PCDH11X: variants seen among roughly 807,000 people sequenced by gnomAD.
PCDH11X encodes protocadherin-11 X-linked.
In PCDH11X, 18 loss-of-function variants were observed where a neutral mutation model predicts 53.3. The ratio of observed to expected loss-of-function variants is 0.34; its 90% CI spans 0.23 to 0.50. The LOEUF (loss-of-function observed/expected upper bound fraction) is 0.50, where lower values mean the gene tolerates loss of function less well. PCDH11X is among the 20% of genes least tolerant of loss of function. PCDH11X has a pLI of 0.98. For synonymous variants in PCDH11X, 279 were observed against 393.3 expected (o/e 0.71, Z 3.44); for missense variants, 570 against 1,032.4 (o/e 0.55, Z 6.14).
intron 8 of PCDH11X, among the ~76,000 whole-genome samples, chrX:92,324,122 G>A (rs1431057663): frequency 1.9e-5 from 2 of 104,656 alleles, no homozygotes; most frequent in African/African-American, 7.0e-5. Context: ...GCTTATAAAT[G>A]GTGGAGGCAT....
intron 6 of PCDH11X, among the ~76,000 whole-genome samples, chrX:92,126,161 T>C (rs1263560152): frequency 9.0e-6 from 1 of 110,680 alleles, no homozygotes; most frequent in Non-Finnish European, 1.9e-5. Flanking sequence ...AATAAGATTA[T>C]AAACTGCGTT....
chrX:91,806,561 G>A (rs1342969179), intron 1 of PCDH11X, among the ~76,000 whole-genome samples: 2 of 112,722 alleles, frequency 1.8e-5, no homozygotes, highest in Non-Finnish European at 3.8e-5. Flanking sequence ...AGACACCCTG[G>A]TTATGGGAAT....
intron 10 of PCDH11X, among the ~76,000 whole-genome samples, chrX:92,531,856 G>T (rs750391425): frequency 9.0e-6 from 1 of 111,543 alleles, no homozygotes; most frequent in Non-Finnish European, 1.9e-5. Flanking sequence ...AATCTCACTA[G>T]TGTGGATAAT....
intron 6 of PCDH11X, among the ~76,000 whole-genome samples, chrX:91,954,922 T>C (rs1174741697): frequency 9.2e-6 from 1 of 108,534 alleles, no homozygotes; most frequent in African/African-American, 3.5e-5. Context: ...TCTCTGTTGA[T>C]AGTTTCTTTT....
intron 5 of PCDH11X, among the ~76,000 whole-genome samples, chrX:91,869,402 A>T (rs1457093927): frequency 9.0e-6 from 1 of 111,310 alleles, no homozygotes; most frequent in Non-Finnish European, 1.9e-5. Context: ...CTTGGCTTTC[A>T]AATCGGGTTC....
intron 5 of PCDH11X, among the ~76,000 whole-genome samples, chrX:91,839,896 A>G (rs975834944): frequency 4.1e-4 from 46 of 111,804 alleles, no homozygotes; most frequent in Non-Finnish European, 7.5e-4. Flanking sequence ...CTAATTCCCT[A>G]TATACATATA....
At chrX:92,289,799 G>T (rs2905653) in intron 8 of PCDH11X, among the ~76,000 whole-genome samples, 11,494 of 108,536 alleles carry the variant, frequency 0.11, 1,171 homozygotes, top group East Asian at 0.37. Context: ...ATTTACTTTT[G>T]TTCTTTTAAA....
intron 7 of PCDH11X, among the ~76,000 whole-genome samples, chrX:92,231,583 T>C (rs2067075840): frequency 8.9e-6 from 1 of 111,871 alleles, no homozygotes; most frequent in South Asian, 3.7e-4. Context: ...GTTGTTTGAA[T>C]TAGACCTACA....
chrX:92,497,394 T>C (rs1388660877), intron 10 of PCDH11X, among the ~76,000 whole-genome samples: 2 of 101,545 alleles, frequency 2.0e-5, no homozygotes, highest in Non-Finnish European at 4.0e-5. Context: ...TTCATCACAC[T>C]GTACTGAAAT....
At chrX:92,452,543 G>A (rs1212220497) in intron 9 of PCDH11X, among the ~76,000 whole-genome samples, 2 of 86,187 alleles carry the variant, frequency 2.3e-5, no homozygotes, top group Non-Finnish European at 4.4e-5. Flanking sequence ...CTGTCACCAG[G>A]CTGGAGTGCA....
chrX:91,895,465 G>C (rs1232556107), intron 6 of PCDH11X, among the ~76,000 whole-genome samples: 1 of 110,347 alleles, frequency 9.1e-6, no homozygotes, highest in African/African-American at 3.3e-5. Context: ...GGATTCTCTC[G>C]GACATTTCCT....
Position 91,811,588 on chromosome X carries a change from G to A in PCDH11X, c.-45+293G>A, listed in dbSNP as rs747641862. ...GCCTGGATGGCCACACATGTTGTCC[G>A]TGGATTGACAATTTCTAAAGAATTG... On this transcript the variant is annotated intron_variant, in intron 4 of 10. Coordinates refer to ENST00000682573, the MANE Select transcript of PCDH11X (RefSeq NM_032968.5). Among the ~76,000 whole-genome samples, 6 of 111,062 alleles carry A rather than the reference G, an allele frequency of 5.4e-5. No individual in the cohort carries two copies. In the East Asian group the frequency reaches 1.1e-3, roughly 21 times the overall value.
At chrX:92,577,591 G>A (rs977369629) in intron 10 of PCDH11X, among the ~76,000 whole-genome samples, 1 of 108,494 alleles carries the variant, frequency 9.2e-6, no homozygotes, top group African/African-American at 3.4e-5. Flanking sequence ...TGCTAACTTT[G>A]GGGTTTGTTT....
intron 6 of PCDH11X, among the ~76,000 whole-genome samples, chrX:92,175,617 C>G (rs926998857): frequency 5.5e-5 from 6 of 108,783 alleles, no homozygotes; most frequent in Non-Finnish European, 9.5e-5. Context: ...ATATATCTAT[C>G]TATGTATCTA....
At chrX:92,149,539 C>T (rs1204835690) in intron 6 of PCDH11X, among the ~76,000 whole-genome samples, 1 of 105,409 alleles carries the variant, frequency 9.5e-6, no homozygotes, top group Non-Finnish European at 1.9e-5. Flanking sequence ...AACCAAATTC[C>T]AAGGCATAAT....
At chrX:92,204,339 C>T in intron 7 of PCDH11X, among the ~76,000 whole-genome samples, 1 of 112,049 alleles carries the variant, frequency 8.9e-6, no homozygotes, top group Non-Finnish European at 1.9e-5. Context: ...TCCTTTTGAA[C>T]TCTTTGCCAC....
At chrX:92,595,063 G>A (rs1484015202) in intron 10 of PCDH11X, among the ~76,000 whole-genome samples, 1 of 109,725 alleles carries the variant, frequency 9.1e-6, no homozygotes, top group African/African-American at 3.3e-5. Flanking sequence ...TTTTTCTTTT[G>A]TAACAGGAAA....
chrX:91,976,021 A>G (rs1174204368), intron 6 of PCDH11X, among the ~76,000 whole-genome samples: 1 of 111,149 alleles, frequency 9.0e-6, no homozygotes, highest in South Asian at 3.8e-4. Flanking sequence ...ATATTATTTT[A>G]TATTTGAGGG....
chrX:92,272,918 T>C (rs1031108988), intron 8 of PCDH11X, among the ~76,000 whole-genome samples: 1 of 112,805 alleles, frequency 8.9e-6, no homozygotes, highest in African/African-American at 3.2e-5. Flanking sequence ...AATATCCTTC[T>C]TGAATAAAAC....
Sources: gnomAD v4.1 joint callset for allele counts (sites outside exome capture counted in the v4.1 genomes callset) on GRCh38, gnomAD v4.1.1 for gene constraint, MANE v1.5 for transcripts, NCBI Gene and HGNC (gene_info 2026-07-23, HGNC 2026-07-21) for gene names.